PACRGL: variants seen among roughly 807,000 people sequenced by gnomAD.
PACRGL encodes the protein PACRG-like protein.
A neutral mutation model predicts 34.5 loss-of-function variants in PACRGL; 38 were observed. That is an observed-to-expected ratio of 1.10 (90% CI 0.85 to 1.44). The LOEUF (loss-of-function observed/expected upper bound fraction) is 1.44. Among genes scored for constraint, PACRGL ranks in the 40% most tolerant of loss-of-function variants. The pLI is 0.00. For synonymous variants in PACRGL, 128 were observed against 100.1 expected (o/e 1.28, Z -1.66); for missense variants, 305 against 281.4 (o/e 1.08, Z -0.60).
At chr4:20,703,904 G>A (rs1733402979) in intron 1 of PACRGL, among the ~76,000 whole-genome samples, 1 of 152,182 alleles carries the variant, frequency 6.6e-6, no homozygotes, top group Non-Finnish European at 1.5e-5. Context: ...AAGTTTTTCA[G>A]TCTGAGGACC....
At chr4:20,742,123 C>T (rs1363696774) in intron 8 of PACRGL, among the ~76,000 whole-genome samples, 1 of 152,142 alleles carries the variant, frequency 6.6e-6, no homozygotes, top group Non-Finnish European at 1.5e-5. Context: ...GGATTCACAG[C>T]TGAATTCTAC....
downstream of PACRGL, chr4:20,732,877 A>G (rs1748673286): frequency 1.3e-6 from 1 of 770,156 alleles, no homozygotes; most frequent in East Asian, 2.8e-5. Context: ...CTCAATTTTA[A>G]ATTTTTGACT....
chr4:20,741,296 TC>T (rs200084201), intron 8 of PACRGL, among the ~76,000 whole-genome samples: 2,829 of 152,280 alleles, frequency 0.019, 40 homozygotes, highest in Non-Finnish European at 0.03. Context: ...TCACACTTAT[TC>T]CAAAATTGAC....
At position 20,704,682 on chromosome 4, in the gene PACRGL, A is replaced by C. The variant is rs1438730352; in HGVS notation, c.75A>C (p.Ser25=). The C allele has an allele frequency of 6.2e-7, 1 of 1,614,166 alleles. No homozygotes were observed. Among genetic ancestry groups the C allele is most frequent in the Admixed American group, 1.7e-5 (1 of 60,028 alleles). The part of the protein sequence containing the change: ...RATGNYDQRT[S]SSTQLKHRNA... The stretch of plus-strand genomic sequence containing the variant: ...CAGGTAACTATGATCAAAGGACATC[A>C]TCAAGCACACAGTTAAAACACAGGA... The change falls in exon 3 of 9, where the codon TCA becomes TCC. Residue 25 remains serine (S), a synonymous_variant. Coordinates refer to ENST00000503585, the MANE Select transcript of PACRGL (RefSeq NM_001258345.3).
intron 8 of PACRGL, among the ~76,000 whole-genome samples, chr4:20,741,366 A>G (rs963596020): frequency 2.8e-4 from 43 of 152,204 alleles, no homozygotes; most frequent in Admixed American, 1.8e-3. Context: ...ATTATAACAA[A>G]CTGTCTCTCA....
chr4:20,741,161 A>G (rs1324031019), intron 8 of PACRGL, among the ~76,000 whole-genome samples: 3 of 152,202 alleles, frequency 2.0e-5, no homozygotes, highest in Admixed American at 2.0e-4. Flanking sequence ...ACACAGATCA[A>G]TGAGACAGAA....
intron 3 of PACRGL, among the ~76,000 whole-genome samples, chr4:20,705,697 T>C (rs1268683088): frequency 2.0e-5 from 3 of 152,152 alleles, no homozygotes; most frequent in East Asian, 1.9e-4. Context: ...TTTAAAGAAG[T>C]ACTTTTTGAA....
intron 8 of PACRGL, among the ~76,000 whole-genome samples, chr4:20,741,429 A>T (rs942979488): frequency 2.6e-5 from 4 of 152,236 alleles, no homozygotes; most frequent in African/African-American, 9.6e-5. Flanking sequence ...TCAAAACTGC[A>T]CAACTACTTG....
chr4:20,761,342 A>G, the PACRGL span, among the ~76,000 whole-genome samples: 9 of 152,216 alleles, frequency 5.9e-5, no homozygotes, highest in Non-Finnish European at 1.2e-4. Flanking sequence ...GGACCCTAAT[A>G]CATAAATGAA....
rs1202664357 is a variant in PACRGL at position 20,728,559 on chromosome 4, T to TTTAA, written c.*1226_*1229dup. On this transcript the variant is annotated 3_prime_UTR_variant, in exon 9 of 9. Transcript: ENST00000503585. ...CTGCCATCTAGAAAGTACTGTAAGA[T>TTTAA]TTAATTAATTACAAAATTTCTTGGA... The TTTAA allele has an allele frequency of 2.0e-5, 3 of 152,638 alleles. No individual in the cohort carries two copies. Among genetic ancestry groups the TTTAA allele is most frequent in the South Asian group, 2.1e-4 (1 of 4,832 alleles). 9.5% of individuals were successfully genotyped at this position (152,638 alleles called of 1,614,324 possible). A position where few individuals can be genotyped will look rare whatever the true frequency, so the allele number is the denominator to read the frequency against.
chr4:20,748,592 ATATATATATATATTC>A (rs1302388671), intron 8 of PACRGL, among the ~76,000 whole-genome samples: 13 of 132,542 alleles, frequency 9.8e-5, no homozygotes, highest in Non-Finnish European at 1.1e-4. Flanking sequence ...ATATATATAT[ATATATATATATATTC>A]CATAAGTAAA....
chr4:20,751,440 T>C (rs1296950903), intron 8 of PACRGL, among the ~76,000 whole-genome samples: 1 of 152,222 alleles, frequency 6.6e-6, no homozygotes, highest in African/African-American at 2.4e-5. Flanking sequence ...AAAGTTGTTT[T>C]ACTCTCAGCA....
intron 7 of PACRGL, among the ~76,000 whole-genome samples, chr4:20,717,498 A>G (rs1245611464): frequency 6.6e-6 from 1 of 152,104 alleles, no homozygotes; most frequent in Non-Finnish European, 1.5e-5. Flanking sequence ...TCCATCTTGA[A>G]TTAATTTTTG....
intron 1 of PACRGL, among the ~76,000 whole-genome samples, chr4:20,703,559 G>A (rs1733249006): frequency 6.6e-6 from 1 of 151,168 alleles, no homozygotes; most frequent in Admixed American, 6.6e-5. Context: ...GAAATTGATT[G>A]GATTAGCTGG....
upstream of PACRGL, among the ~76,000 whole-genome samples, chr4:20,699,240 T>C (rs1217870148): frequency 6.6e-6 from 1 of 152,086 alleles, no homozygotes; most frequent in Admixed American, 6.6e-5. Context: ...TTTTTAAAAA[T>C]TTCTTTTTCC....
chr4:20,727,197 T>C (rs566311042), intron 8 of PACRGL, 88 bp from the exon 9 acceptor site: 3 of 1,174,978 alleles, frequency 2.6e-6, no homozygotes, highest in South Asian at 1.4e-5. Context: ...GAGTTTTAGA[T>C]ACTTTCTAGG....
At chr4:20,708,095 A>G (rs1261026828) in intron 4 of PACRGL, among the ~76,000 whole-genome samples, 1 of 152,220 alleles carries the variant, frequency 6.6e-6, no homozygotes, top group Admixed American at 6.5e-5. Flanking sequence ...ATAAACCATC[A>G]GTTTAAGAAC....
At chr4:20,719,944 A>G (rs1189708279) in intron 7 of PACRGL, among the ~76,000 whole-genome samples, 1 of 152,036 alleles carries the variant, frequency 6.6e-6, no homozygotes, top group East Asian at 1.9e-4. Flanking sequence ...AAAGTCTCCC[A>G]TTATTATTGT....
At chr4:20,709,246 A>G (rs1001160596) in intron 4 of PACRGL, among the ~76,000 whole-genome samples, 1 of 152,246 alleles carries the variant, frequency 6.6e-6, no homozygotes, top group Non-Finnish European at 1.5e-5. Context: ...TCTCTTTAAC[A>G]GAGATGAAAC....
Sources: gnomAD v4.1 joint callset for allele counts (sites outside exome capture counted in the v4.1 genomes callset) on GRCh38, gnomAD v4.1.1 for gene constraint, MANE v1.5 for transcripts, NCBI Gene and HGNC (gene_info 2026-07-23, HGNC 2026-07-21) for gene names.